The following CDK13 variants were observed in gnomAD, a reference collection of about 807,000 sequenced individuals.
The protein encoded by CDK13 is cyclin-dependent kinase 13.
CDK13 carries 40 observed loss-of-function variants against 137.6 expected under a neutral mutation model. The ratio of observed to expected loss-of-function variants is 0.29; its 90% CI spans 0.23 to 0.38. The LOEUF is 0.38. Among genes scored for constraint, CDK13 ranks in the 10% least tolerant of loss-of-function variants. CDK13 has a pLI of 1.00. For missense variants in CDK13, 1,704 were observed against 1,951.8 expected, an observed-to-expected ratio of 0.87 and a Z score of 2.39; for synonymous variants, 869 against 760.1, an observed-to-expected ratio of 1.14 and a Z score of -2.36.
At chr7:39,960,747 G>T (rs1787592109) in intron 1 of CDK13, among the ~76,000 whole-genome samples, 3 of 151,038 alleles carry the variant, frequency 2.0e-5, no homozygotes, top group Admixed American at 2.0e-4. Context: ...GCTAATTTTT[G>T]TACTTTTAGT....
chr7:40,015,005 T>C (rs577082254), intron 5 of CDK13, among the ~76,000 whole-genome samples: 2 of 152,280 alleles, frequency 1.3e-5, no homozygotes, highest in South Asian at 4.1e-4. Context: ...ATAAAATAGA[T>C]TGTAGTCTGT....
At chr7:40,088,625 A>G (rs549525068) in intron 12 of CDK13, among the ~76,000 whole-genome samples, 1 of 152,138 alleles carries the variant, frequency 6.6e-6, no homozygotes, top group East Asian at 1.9e-4. Context: ...TACTGACACT[A>G]CTCTCAGTGA....
intron 1 of CDK13, among the ~76,000 whole-genome samples, chr7:39,962,631 G>C (rs1174448929): frequency 6.6e-6 from 1 of 152,132 alleles, no homozygotes; most frequent in African/African-American, 2.4e-5. Context: ...AAGCTGTTTA[G>C]TTTAATTAGA....
Position 40,049,860 on chromosome 7 carries a change from C to T in CDK13, c.2600+1983C>T, listed in dbSNP as rs1466393680. ...TTTGTCTTTATGTGCCTGCCTTATTCCACTTAACACAATGCGCTTCACGTT... is the reference window on the plus strand; with the variant it reads ...TTTGTCTTTATGTGCCTGCCTTATTTCACTTAACACAATGCGCTTCACGTT... On this transcript the variant is annotated intron_variant, in intron 7 of 13. Transcript: ENST00000181839. 3.9e-5 allele frequency among the ~76,000 whole-genome samples: 6 copies of T among 152,150 alleles called. No homozygotes were observed. The South Asian group carries it at 1.2e-3, about 31-fold the overall frequency.
chr7:40,077,939 G>C (rs1330348163), intron 9 of CDK13, 66 bp from the exon 10 acceptor site: 1 of 648,700 alleles, frequency 1.5e-6, no homozygotes, highest in African/African-American at 1.9e-5. Context: ...TTGATGTTTT[G>C]TATAACAGTT....
Position 40,094,194 on chromosome 7 carries a change from G to A in CDK13, c.3753G>A (p.Arg1251=). The A allele has an allele frequency of 6.2e-7, 1 of 1,613,878 alleles. No homozygotes were observed. The part of the protein sequence containing the change: ...RILELTPEPD[R]PRILPPDQRP... ...TGGAGCTAACGCCAGAACCAGACCGGCCTCGAATTCTGCCTCCTGACCAAC... is the reference window on the plus strand; with the variant it reads ...TGGAGCTAACGCCAGAACCAGACCGACCTCGAATTCTGCCTCCTGACCAAC... Residue 1251 remains arginine, a synonymous_variant, in exon 14 of 14, where the codon CGG becomes CGA. Coordinates refer to ENST00000181839, the MANE Select transcript of CDK13 (RefSeq NM_003718.5).
intron 1 of CDK13, among the ~76,000 whole-genome samples, chr7:39,959,308 T>C (rs1181227622): frequency 6.6e-6 from 1 of 151,080 alleles, no homozygotes; most frequent in East Asian, 2.0e-4. Context: ...ATTACAGGCA[T>C]GCGCCACCAT....
chr7:40,045,990 A>G lies in CDK13; in HGVS notation c.2508A>G (p.Arg836=), dbSNP rs1025098200. Residue 836 remains arginine, a synonymous_variant, in exon 6 of 14, where the codon AGA becomes AGG. Coordinates refer to ENST00000181839, the MANE Select transcript of CDK13 (RefSeq NM_003718.5). ...DYCHKKNFLH[R]DIKCSNILLN... ...GTCATAAGAAGAACTTTTTGCATAG[A>G]GATATTAAATGTTCCAATATCCTTC... 4 of 1,606,092 alleles carry G rather than the reference A, an allele frequency of 2.5e-6. No homozygotes were observed. Among genetic ancestry groups the G allele is most frequent in the Admixed American group, 3.4e-5 (2 of 59,654 alleles).
At chr7:40,081,565 C>G (rs1765182287) in intron 11 of CDK13, among the ~76,000 whole-genome samples, 1 of 152,066 alleles carries the variant, frequency 6.6e-6, no homozygotes, top group Non-Finnish European at 1.5e-5. Flanking sequence ...ATTACTGTAT[C>G]ATATATTTTA....
chr7:40,002,801 A>T (rs766702091), intron 5 of CDK13, among the ~76,000 whole-genome samples: 57 of 151,866 alleles, frequency 3.8e-4, no homozygotes, highest in Non-Finnish European at 1.2e-4. Context: ...ACAGTGTCTC[A>T]CATCTATAAG....
chr7:40,047,936 T>G, intron 7 of CDK13, 59 bp downstream of exon 7: 1 of 1,010,940 alleles, frequency 9.9e-7, no homozygotes, highest in Non-Finnish European at 1.5e-6. Flanking sequence ...GAAGCTATAC[T>G]AAGAATACCT....
At chr7:40,010,926 A>G (rs1784880889) in intron 5 of CDK13, among the ~76,000 whole-genome samples, 1 of 152,210 alleles carries the variant, frequency 6.6e-6, no homozygotes, top group African/African-American at 2.4e-5. Context: ...AGAGAATAAA[A>G]CATCTAGAAA....
intron 11 of CDK13, among the ~76,000 whole-genome samples, chr7:40,079,608 G>T (rs1786620738): frequency 6.6e-6 from 1 of 152,154 alleles, no homozygotes; most frequent in Non-Finnish European, 1.5e-5. Flanking sequence ...CACAGAGGAG[G>T]AAGCAGGCTC....
At chr7:39,987,031 C>T (rs565579503) in intron 1 of CDK13, 1 of 152,344 alleles carries the variant, frequency 6.6e-6, no homozygotes, top group East Asian at 1.9e-4. Flanking sequence ...ACCTCGTGAT[C>T]CGCCCGCCTT....
chr7:40,031,884 G>C (rs896501839), intron 5 of CDK13, among the ~76,000 whole-genome samples: 2 of 149,656 alleles, frequency 1.3e-5, no homozygotes, highest in Non-Finnish European at 3.0e-5. Flanking sequence ...ATGGGGTCTT[G>C]TTATGTTGCC....
At chr7:40,074,408 A>G (rs1182799538) in intron 9 of CDK13, among the ~76,000 whole-genome samples, 3 of 151,696 alleles carry the variant, frequency 2.0e-5, no homozygotes, top group African/African-American at 7.3e-5. Flanking sequence ...TTGTAGTCCC[A>G]GCTACGTGGG....
intron 9 of CDK13, chr7:40,071,341 G>A (rs1201693085): frequency 1.3e-5 from 2 of 152,100 alleles, no homozygotes; most frequent in African/African-American, 2.4e-5. Context: ...AACGTCTATA[G>A]TTTCTAAAAT....
intron 11 of CDK13, among the ~76,000 whole-genome samples, chr7:40,083,007 G>A (rs550907672): frequency 6.6e-6 from 1 of 151,686 alleles, no homozygotes; most frequent in East Asian, 1.9e-4. Context: ...AGAGGGTGAG[G>A]CACGAGAATT....
Position 40,051,269 on chromosome 7 carries a change from T to C in CDK13, c.2600+3392T>C, listed in dbSNP as rs2150519828. ...ATACTCCTTTAAAACTTCTCTTTTT[T>C]TTTTTTAAGAGAATAATTCTGATTT... is the stretch of plus-strand genomic sequence containing the variant. On this transcript the variant is annotated intron_variant, in intron 7 of 13. Transcript: ENST00000181839. 2.0e-5 allele frequency among the ~76,000 whole-genome samples: 3 copies of C among 152,236 alleles called. No homozygotes were observed. In the Middle Eastern group the frequency reaches 0.01, roughly 518 times the overall value.
Sources: gnomAD v4.1 joint callset for allele counts (sites outside exome capture counted in the v4.1 genomes callset) on GRCh38, gnomAD v4.1.1 for gene constraint, MANE v1.5 for transcripts, NCBI Gene and HGNC (gene_info 2026-07-23, HGNC 2026-07-21) for gene names.